The following RALYL variants were observed in gnomAD, a reference collection of about 807,000 sequenced individuals.
RALYL encodes the protein RALY RNA binding protein like.
In RALYL, 29 loss-of-function variants were observed where a neutral mutation model predicts 35.1. That is an observed-to-expected ratio of 0.83 (90% CI 0.61 to 1.13). The LOEUF (loss-of-function observed/expected upper bound fraction) is 1.13, where lower values mean the gene tolerates loss of function less well. Ranked by LOEUF, RALYL falls within the 50% of genes most tolerant of loss-of-function variation. The pLI, the probability that RALYL is intolerant of heterozygous loss-of-function variation, is 0.00. For missense variants in RALYL, 359 were observed against 360.4 expected (o/e 1.00, Z 0.03); for synonymous variants, 120 against 127.6 (o/e 0.94, Z 0.40).
At chr8:84,468,934 A>T (rs1391695320) in intron 1 of RALYL, among the ~76,000 whole-genome samples, 6 of 151,622 alleles carry the variant, frequency 4.0e-5, no homozygotes, top group Non-Finnish European at 8.8e-5. Flanking sequence ...AGTTGATCGC[A>T]TCGGCTCCTG....
intron 1 of RALYL, among the ~76,000 whole-genome samples, chr8:84,218,235 A>C (rs774518524): frequency 2.0e-5 from 3 of 152,026 alleles, no homozygotes; most frequent in African/African-American, 4.8e-5. Context: ...GTCTTTGTAG[A>C]GAGTAAGTGG....
chr8:84,327,739 A>T (rs536397851), intron 1 of RALYL, among the ~76,000 whole-genome samples: 2 of 151,796 alleles, frequency 1.3e-5, no homozygotes, highest in Non-Finnish European at 2.9e-5. Flanking sequence ...TGGAAGCTTT[A>T]AAGCAGTAGG....
At chr8:84,410,524 T>C in intron 1 of RALYL, among the ~76,000 whole-genome samples, 1 of 152,056 alleles carries the variant, frequency 6.6e-6, no homozygotes, top group Middle Eastern at 3.5e-3. Flanking sequence ...TTCTCTGCCT[T>C]ATAATTTTTG....
chr8:84,408,051 C>T (rs576143518), intron 1 of RALYL, among the ~76,000 whole-genome samples: 21 of 151,998 alleles, frequency 1.4e-4, no homozygotes, highest in East Asian at 9.7e-4. Flanking sequence ...AGAATAAGAA[C>T]GCTATGAAAC....
intron 1 of RALYL, among the ~76,000 whole-genome samples, chr8:84,395,319 C>T (rs1289436286): frequency 2.6e-5 from 4 of 151,776 alleles, no homozygotes; most frequent in South Asian, 2.1e-4. Context: ...TATTCCATTT[C>T]TAATAAAAAA....
chr8:84,422,406 AT>A (rs2045750574), intron 1 of RALYL, among the ~76,000 whole-genome samples: 1 of 135,300 alleles, frequency 7.4e-6, no homozygotes, highest in East Asian at 2.1e-4. Flanking sequence ...CCCCTTTATC[AT>A]TTTTTATTAT....
intron 2 of RALYL, among the ~76,000 whole-genome samples, chr8:84,639,877 A>G (rs941819172): frequency 1.8e-4 from 27 of 152,152 alleles, no homozygotes; most frequent in Admixed American, 1.0e-3. Context: ...AGAAGCCAAA[A>G]AATAAGGTCA....
At chr8:84,781,801 C>G (rs1170892571) in intron 3 of RALYL, among the ~76,000 whole-genome samples, 3 of 152,102 alleles carry the variant, frequency 2.0e-5, no homozygotes, top group Non-Finnish European at 2.9e-5. Context: ...GCACAACAAA[C>G]TTAGCCATGT....
chr8:84,554,762 T>G (rs2060977273), intron 2 of RALYL, among the ~76,000 whole-genome samples: 1 of 152,198 alleles, frequency 6.6e-6, no homozygotes, highest in Non-Finnish European at 1.5e-5. Context: ...CCTCGTCTCT[T>G]AGGACGAATA....
intron 1 of RALYL, among the ~76,000 whole-genome samples, chr8:84,354,163 A>T (rs1050862518): frequency 6.7e-6 from 1 of 149,954 alleles, no homozygotes; most frequent in Non-Finnish European, 1.5e-5. Context: ...CATAATAATA[A>T]TTTTTCCTTT....
chr8:84,224,079 C>G (rs1386410968), intron 1 of RALYL, among the ~76,000 whole-genome samples: 2 of 152,030 alleles, frequency 1.3e-5, no homozygotes, highest in Non-Finnish European at 2.9e-5. Flanking sequence ...TCTCTAATAC[C>G]ACCCTTATAC....
At chr8:84,482,426 G>A (rs1055297915) in intron 1 of RALYL, among the ~76,000 whole-genome samples, 3 of 151,876 alleles carry the variant, frequency 2.0e-5, no homozygotes, top group African/African-American at 7.2e-5. Context: ...TTAAATAATA[G>A]CTTTCTGGTT....
intron 1 of RALYL, among the ~76,000 whole-genome samples, chr8:84,506,691 TTTAAA>T (rs2057195422): frequency 6.6e-6 from 1 of 151,976 alleles, no homozygotes; most frequent in African/African-American, 2.4e-5. Context: ...TATGATAAAT[TTTAAA>T]TTATTTAGCA....
At chr8:84,343,116 A>G (rs943156690) in intron 1 of RALYL, among the ~76,000 whole-genome samples, 3 of 152,076 alleles carry the variant, frequency 2.0e-5, no homozygotes, top group African/African-American at 7.2e-5. Flanking sequence ...TATTTTAAAG[A>G]TTTAGTTCTA....
intron 2 of RALYL, among the ~76,000 whole-genome samples, chr8:84,710,072 CAAAT>C (rs1218159463): frequency 3.9e-5 from 6 of 151,902 alleles, no homozygotes; most frequent in African/African-American, 7.3e-5. Context: ...AAAAAACAAA[CAAAT>C]AAACAAAAAA....
chr8:84,830,558 A>G (rs1195928818), intron 4 of RALYL, among the ~76,000 whole-genome samples: 5 of 152,194 alleles, frequency 3.3e-5, no homozygotes, highest in African/African-American at 7.2e-5. Flanking sequence ...TATAAGTGCC[A>G]AGTAAACAAT....
At chr8:84,695,366 A>G (rs901515260) in intron 2 of RALYL, among the ~76,000 whole-genome samples, 2 of 151,770 alleles carry the variant, frequency 1.3e-5, no homozygotes, top group African/African-American at 4.8e-5. Context: ...AGTGATCTCC[A>G]TGGAATTAAT....
intron 8 of RALYL, among the ~76,000 whole-genome samples, chr8:84,899,844 C>T (rs1845371007): frequency 6.6e-6 from 1 of 152,162 alleles, no homozygotes; most frequent in Non-Finnish European, 1.5e-5. Flanking sequence ...ATAAGACTTC[C>T]TCTCACTCCT....
intron 1 of RALYL, among the ~76,000 whole-genome samples, chr8:84,446,203 AT>A (rs1359394044): frequency 6.6e-6 from 1 of 151,994 alleles, no homozygotes; most frequent in Non-Finnish European, 1.5e-5. Flanking sequence ...CAAACTATTC[AT>A]GTGTATTATT....
Sources: gnomAD v4.1 joint callset for allele counts (sites outside exome capture counted in the v4.1 genomes callset) on GRCh38, gnomAD v4.1.1 for gene constraint, MANE v1.5 for transcripts, NCBI Gene and HGNC (gene_info 2026-07-23, HGNC 2026-07-21) for gene names.